The following ACTR3C variants were observed in gnomAD, a reference collection of about 807,000 sequenced individuals.
The protein encoded by ACTR3C is actin related protein 3C, also known as actin-related protein 3C.
Under a neutral mutation model 26.3 loss-of-function variants are expected in ACTR3C, and 18 were observed. That is an observed-to-expected ratio of 0.68 (90% CI 0.47 to 1.01). The LOEUF (loss-of-function observed/expected upper bound fraction) is 1.01, where lower values mean the gene tolerates loss of function less well. Among genes scored for constraint, ACTR3C ranks in the 50% least tolerant of loss-of-function variants. The probability of loss-of-function intolerance (pLI) is 0.00; values close to 1 mark genes in which losing one functional copy is unlikely to be tolerated. For synonymous variants in ACTR3C, 55 were observed against 94.5 expected, an observed-to-expected ratio of 0.58 and a Z score of 2.42; for missense variants, 184 against 250.7, an observed-to-expected ratio of 0.73 and a Z score of 1.80.
At chr7:150,190,411 CT>C in the ACTR3C span, among the ~76,000 whole-genome samples, 1 of 152,192 alleles carries the variant, frequency 6.6e-6, no homozygotes, top group Non-Finnish European at 1.5e-5. Context: ...TGATTCTTTC[CT>C]TTTATGAATA....
chr7:149,911,199 G>T, the ACTR3C span, among the ~76,000 whole-genome samples: 1 of 151,700 alleles, frequency 6.6e-6, no homozygotes, highest in Non-Finnish European at 1.5e-5. Flanking sequence ...TTATATTCCA[G>T]AAAATAAATA....
the ACTR3C span, among the ~76,000 whole-genome samples, chr7:150,134,426 G>C: frequency 4.6e-5 from 7 of 152,240 alleles, no homozygotes; most frequent in Admixed American, 4.6e-4. Flanking sequence ...TCCCCTGCAA[G>C]GGTGAGGATG....
At chr7:150,057,510 C>T in the ACTR3C span, among the ~76,000 whole-genome samples, 85 of 152,136 alleles carry the variant, frequency 5.6e-4, no homozygotes, top group Admixed American at 2.9e-3. Context: ...GGTCTCGAAC[C>T]CCTGACCTCA....
At chr7:150,182,471 A>G in the ACTR3C span, among the ~76,000 whole-genome samples, 3 of 150,826 alleles carry the variant, frequency 2.0e-5, no homozygotes, top group East Asian at 3.8e-4. Flanking sequence ...ACTTTATACC[A>G]TTCCCTACCT....
the ACTR3C span, among the ~76,000 whole-genome samples, chr7:149,897,162 TAA>T: frequency 4.0e-5 from 6 of 151,842 alleles, no homozygotes; most frequent in African/African-American, 1.5e-4. Context: ...GTGTTTAATG[TAA>T]ATTCAGAAAA....
intron 1 of ACTR3C, among the ~76,000 whole-genome samples, chr7:150,311,896 A>G (rs568844931): frequency 2.6e-5 from 4 of 152,296 alleles, no homozygotes; most frequent in South Asian, 4.1e-4. Context: ...ACTGACTCCA[A>G]ATATGCTTTC....
At chr7:150,140,131 G>T in the ACTR3C span, among the ~76,000 whole-genome samples, 3 of 152,248 alleles carry the variant, frequency 2.0e-5, no homozygotes, top group African/African-American at 7.2e-5. Context: ...AGTCAGCTCA[G>T]TGAAGGAAAT....
At chr7:150,250,340 A>T (rs949319343) in intron 6 of ACTR3C, among the ~76,000 whole-genome samples, 3 of 150,410 alleles carry the variant, frequency 2.0e-5, no homozygotes, top group African/African-American at 7.4e-5. Context: ...AGTAGCTGGG[A>T]CCACAGGCGC....
chr7:150,163,551 T>C, the ACTR3C span, among the ~76,000 whole-genome samples: 1 of 151,872 alleles, frequency 6.6e-6, no homozygotes, highest in South Asian at 2.1e-4. Flanking sequence ...TCTTTACATA[T>C]ATAATACATA....
the ACTR3C span, among the ~76,000 whole-genome samples, chr7:150,017,785 T>A: frequency 6.7e-6 from 1 of 150,122 alleles, no homozygotes; most frequent in Non-Finnish European, 1.5e-5. Context: ...AATCACTCAC[T>A]CTAGAATCCT....
At chr7:149,976,104 C>T in the ACTR3C span, among the ~76,000 whole-genome samples, 2 of 152,358 alleles carry the variant, frequency 1.3e-5, no homozygotes, top group South Asian at 4.1e-4. Context: ...CAGAGTTCCT[C>T]ATGTGTACTG....
At chr7:150,283,249 T>A (rs1264169773) in intron 6 of ACTR3C, among the ~76,000 whole-genome samples, 1 of 149,812 alleles carries the variant, frequency 6.7e-6, no homozygotes. Flanking sequence ...CTTTCACTGA[T>A]GAGGAGACAC....
chr7:150,189,337 A>T, the ACTR3C span, among the ~76,000 whole-genome samples: 1 of 152,232 alleles, frequency 6.6e-6, no homozygotes, highest in African/African-American at 2.4e-5. Context: ...ACTCATCTAT[A>T]ATAGAGTTAG....
chr7:150,039,419 C>CCCACGTAAGTTA, the ACTR3C span, among the ~76,000 whole-genome samples: 3 of 18,782 alleles, frequency 1.6e-4, no homozygotes, highest in African/African-American at 6.0e-4. Context: ...GGCTCTCAGT[C>CCCACGTAAGTTA]CCTGCCTCGC....
In ACTR3C at chr7:150,286,535, T is replaced by G. The variant is rs200800061; in HGVS notation, c.303A>C (p.Lys101Asn). 3.3e-4 allele frequency: 531 copies of G among 1,610,496 alleles called. 2 individuals are homozygous for G. The highest frequency in any genetic ancestry group is 4.2e-4 in the Non-Finnish European group (498 of 1,179,392). ...CTATATCGGGGCAAATGTAACAGTA[T>G]TTCTCCTGCATACACACACAAAGAT... ...SLETAKAIKE[K>N]YCYICPDIVK... Residue 101 changes from lysine to asparagine, a missense_variant, in exon 5 of 8, where the codon AAA becomes AAC. Physicochemically the swap from Lys to Asn is moderately conservative, Grantham distance 94. Transcript: ENST00000683684.
At chr7:150,142,381 C>T in the ACTR3C span, among the ~76,000 whole-genome samples, 2 of 152,186 alleles carry the variant, frequency 1.3e-5, no homozygotes, top group Non-Finnish European at 2.9e-5. Flanking sequence ...TTCAGGACAA[C>T]ATTGGAAAAA....
chr7:150,036,863 A>G, the ACTR3C span, among the ~76,000 whole-genome samples: 2,078 of 113,784 alleles, frequency 0.018, 93 homozygotes, highest in African/African-American at 0.059. Context: ...GTCCTAAGCC[A>G]GGGGGGGATG....
At chr7:150,077,524 T>G in the ACTR3C span, among the ~76,000 whole-genome samples, 17 of 152,056 alleles carry the variant, frequency 1.1e-4, no homozygotes, top group Admixed American at 6.5e-5. Flanking sequence ...AAAGGTACAT[T>G]CATGGAATCC....
downstream of ACTR3C, among the ~76,000 whole-genome samples, chr7:150,241,842 A>C (rs970134806): frequency 6.6e-6 from 1 of 152,220 alleles, no homozygotes; most frequent in Non-Finnish European, 1.5e-5. Context: ...ACAAATGAAA[A>C]TATATGAATG....
Sources: allele counts gnomAD v4.1 joint callset (sites outside exome capture counted in the v4.1 genomes callset), GRCh38; gene constraint gnomAD v4.1.1; transcripts MANE v1.5; gene names NCBI Gene and HGNC (gene_info 2026-07-23, HGNC 2026-07-21).